ABI1: variants seen among roughly 807,000 people sequenced by gnomAD.
ABI1 encodes the protein abl interactor 1.
A neutral mutation model predicts 54.6 loss-of-function variants in ABI1; 14 were observed. That is an observed-to-expected ratio of 0.26 (90% CI 0.17 to 0.40). ABI1 has a LOEUF of 0.40. ABI1 is among the 10% of genes least tolerant of loss of function. The pLI, the probability that ABI1 is intolerant of heterozygous loss-of-function variation, is 1.00. For synonymous variants in ABI1, 194 were observed against 209.3 expected (o/e 0.93, Z 0.63); for missense variants, 443 against 598.3 (o/e 0.74, Z 2.71).
At chr10:26,826,578 T>C (rs2048317627) in intron 1 of ABI1, among the ~76,000 whole-genome samples, 1 of 152,180 alleles carries the variant, frequency 6.6e-6, no homozygotes, top group Non-Finnish European at 1.5e-5. Flanking sequence ...GGGCTTCTCC[T>C]CTCTCCCTGT....
chr10:26,765,337 AC>A lies in ABI1; in HGVS notation c.720-20del. ...ACTTCCACTGAAAAGAAAAAAAAAAACTGTGAAAAACCAATTCTAGAGACAT... is the reference window on the plus strand; with the variant it reads ...ACTTCCACTGAAAAGAAAAAAAAAAATGTGAAAAACCAATTCTAGAGACAT... On this transcript the variant is annotated intron_variant, in intron 6 of 10. Coordinates refer to ENST00000376140, the MANE Select transcript of ABI1 (RefSeq NM_001012750.3). 1 of 1,528,524 alleles carries A rather than the reference AC, an allele frequency of 6.5e-7. No homozygotes were observed. Among genetic ancestry groups the A allele is most frequent in the East Asian group, 2.3e-5 (1 of 43,924 alleles). 94.7% of individuals were successfully genotyped at this position (1,528,524 alleles called of 1,614,324 possible). A position where few individuals can be genotyped will look rare whatever the true frequency, so the allele number is the denominator to read the frequency against.
In ABI1 at chr10:26,860,754, T is replaced by C. The variant is rs745350093; in HGVS notation, c.110A>G (p.Tyr37Cys). The part of the protein sequence containing the change: ...TRVADYCENN[Y>C]IQATDKRKAL... ...GCCGCCAGAGCGCCTCACCTGTATG[T>C]AGTTGTTTTCACAGTAGTCTGCCAC... Residue 37 changes from tyrosine to cysteine, a missense_variant, in exon 1 of 11, where the codon TAC (tyrosine) becomes TGC (cysteine). Transcript: ENST00000376140. The surrounding 1 kb of genome is among the most constrained non-coding windows in gnomAD (Gnocchi z 4.1). 6.2e-7 allele frequency: 1 copy of C among 1,613,426 alleles called. No individual in the cohort carries two copies.
chr10:26,812,640 C>T (rs945287107), intron 2 of ABI1, among the ~76,000 whole-genome samples: 17 of 152,140 alleles, frequency 1.1e-4, no homozygotes, highest in East Asian at 9.6e-4. Flanking sequence ...TACTTTCTCA[C>T]GACTCAGGAA....
chr10:26,751,922 G>A, intron 9 of ABI1, 139 bp from the exon 10 acceptor site: 1 of 808,002 alleles, frequency 1.2e-6, no homozygotes, highest in Non-Finnish European at 1.8e-6. Context: ...ATAAAAGCTT[G>A]GTGTGTTAAA....
intron 1 of ABI1, among the ~76,000 whole-genome samples, chr10:26,846,543 A>G (rs907961075): frequency 6.6e-6 from 1 of 151,990 alleles, no homozygotes; most frequent in African/African-American, 2.4e-5. Context: ...GGGTTTCACC[A>G]TGTTGGCCAG....
At chr10:26,840,050 G>A (rs1204318898) in intron 1 of ABI1, among the ~76,000 whole-genome samples, 1 of 151,998 alleles carries the variant, frequency 6.6e-6, no homozygotes, top group African/African-American at 2.4e-5. Context: ...ACTAGCAAAA[G>A]TACCTTGTCC....
intron 2 of ABI1, among the ~76,000 whole-genome samples, chr10:26,805,062 C>T (rs2046795707): frequency 6.6e-6 from 1 of 152,130 alleles, no homozygotes; most frequent in South Asian, 2.1e-4. Flanking sequence ...AGAAACAGGA[C>T]AAACTGAATT....
chr10:26,801,267 G>C (rs1376199033), intron 2 of ABI1, among the ~76,000 whole-genome samples: 1 of 152,136 alleles, frequency 6.6e-6, no homozygotes, highest in Admixed American at 6.5e-5. Flanking sequence ...CACCATCGTG[G>C]CCGGGCACGG....
At chr10:26,800,731 A>G (rs1181163237) in intron 2 of ABI1, among the ~76,000 whole-genome samples, 1 of 152,212 alleles carries the variant, frequency 6.6e-6, no homozygotes. Flanking sequence ...ACCTTGCCTC[A>G]AAAAGAAAAA....
At chr10:26,824,567 C>T (rs761416734) in intron 1 of ABI1, among the ~76,000 whole-genome samples, 1 of 151,734 alleles carries the variant, frequency 6.6e-6, no homozygotes, top group East Asian at 1.9e-4. Flanking sequence ...CAAGGAATTT[C>T]TCTGTTACCA....
chr10:26,781,495 T>C (rs548855903), intron 2 of ABI1, among the ~76,000 whole-genome samples: 10 of 152,202 alleles, frequency 6.6e-5, no homozygotes, highest in Non-Finnish European at 1.5e-4. Context: ...TCAACTAAGC[T>C]GAGACGCTGT....
At chr10:26,761,661 T>TATATAC (rs1375832167) in intron 7 of ABI1, among the ~76,000 whole-genome samples, 326 of 78,744 alleles carry the variant, frequency 4.1e-3, no homozygotes, top group Middle Eastern at 0.016. Context: ...TATATATATA[T>TATATAC]ACACACACAC....
chr10:26,775,878 A>C (rs1841352649), intron 3 of ABI1, among the ~76,000 whole-genome samples: 1 of 152,206 alleles, frequency 6.6e-6, no homozygotes, highest in Non-Finnish European at 1.5e-5. Flanking sequence ...GTGTGTGCAC[A>C]TATACAGGTA....
rs1465915601 is a variant in ABI1, at chr10:26,759,306, A to G, written c.821-68T>C. The G allele has an allele frequency of 2.2e-6, 3 of 1,391,444 alleles. No individual in the cohort carries two copies. In the East Asian group the frequency reaches 7.2e-5, roughly 33 times the overall value. The allele number at this position is 1,391,444 out of a possible 1,614,324, so 86.2% of individuals were successfully genotyped here. ...CATTGTAATCACCTTAGATGGCAGA[A>G]CAAAGCAGGAGGGGGCCTCAGTAAG... On this transcript the variant is annotated intron_variant, in intron 7 of 10. Coordinates refer to ENST00000376140, the MANE Select transcript of ABI1 (RefSeq NM_001012750.3).
At chr10:26,835,234 T>C (rs2133974264) in intron 1 of ABI1, among the ~76,000 whole-genome samples, 1 of 151,750 alleles carries the variant, frequency 6.6e-6, no homozygotes. Flanking sequence ...TTGGTTGAAA[T>C]GTAAATTAGT....
intron 1 of ABI1, among the ~76,000 whole-genome samples, chr10:26,847,961 G>T (rs10082408): frequency 0.26 from 38,912 of 151,700 alleles, 5,670 homozygotes; most frequent in South Asian, 0.44. Context: ...ACGTTGGGAG[G>T]CCGAGTCAGG....
intron 1 of ABI1, among the ~76,000 whole-genome samples, chr10:26,843,468 AAAAAAAAAAAAAAAAAAATATATAT>A (rs1432528625): frequency 1.2e-3 from 104 of 84,636 alleles, no homozygotes; most frequent in African/African-American, 3.6e-3. Context: ...AAAAAAAAAA[AAAAAAAAAAAAAAAAAAATATATAT>A]ATATATATAT....
intron 1 of ABI1, among the ~76,000 whole-genome samples, chr10:26,828,751 G>A (rs1430273839): frequency 6.6e-6 from 1 of 152,180 alleles, no homozygotes; most frequent in Non-Finnish European, 1.5e-5. Context: ...ATTGTTTTTA[G>A]TCTCTTTATT....
chr10:26,763,925 G>A (rs747350366), intron 7 of ABI1: 1 of 1,613,206 alleles, frequency 6.2e-7, no homozygotes. Context: ...GGTGGTGCTG[G>A]TGGAGCTCCA....
Sources: allele counts gnomAD v4.1 joint callset (sites outside exome capture counted in the v4.1 genomes callset), GRCh38; gene constraint gnomAD v4.1.1; non-coding constraint Gnocchi (gnomAD v3.1); transcripts MANE v1.5; gene names NCBI Gene and HGNC (gene_info 2026-07-23, HGNC 2026-07-21).